Variants in DPYS observed in about 807,000 individuals in gnomAD.
DPYS encodes dihydropyrimidine amidohydrolase.
In DPYS, 39 loss-of-function variants were observed where a neutral mutation model predicts 50.3. The ratio of observed to expected loss-of-function variants is 0.78; its 90% CI spans 0.60 to 1.01. The LOEUF is 1.01. DPYS is among the 50% of genes least tolerant of loss of function. The pLI is 0.00. For synonymous variants in DPYS, 245 were observed against 250.7 expected (o/e 0.98, Z 0.22); for missense variants, 659 against 680.9 (o/e 0.97, Z 0.36).
intron 7 of DPYS, among the ~76,000 whole-genome samples, chr8:104,408,076 C>G (rs7008591): frequency 6.6e-6 from 1 of 152,236 alleles, no homozygotes; most frequent in Non-Finnish European, 1.5e-5. Context: ...AGGCACGGTT[C>G]TAGGTGCTGG....
At chr8:104,459,109 A>G (rs74625391) in intron 1 of DPYS, among the ~76,000 whole-genome samples, 2,298 of 152,266 alleles carry the variant, frequency 0.015, 26 homozygotes, top group Non-Finnish European at 0.025. Flanking sequence ...TCCTTTCTCA[A>G]CTTGTTACTT....
intron 2 of DPYS, among the ~76,000 whole-genome samples, chr8:104,449,311 A>C (rs936226876): frequency 2.6e-5 from 4 of 152,218 alleles, no homozygotes; most frequent in Admixed American, 6.5e-5. Context: ...CTTACATGAA[A>C]TATCTTTTGC....
intron 7 of DPYS, among the ~76,000 whole-genome samples, chr8:104,394,964 C>A (rs1376257278): frequency 6.6e-6 from 1 of 151,130 alleles, no homozygotes; most frequent in African/African-American, 2.4e-5. Flanking sequence ...GGACATATGA[C>A]CACTTTGATG....
chr8:104,423,969 G>C (rs953641044), intron 7 of DPYS: 65 of 984,700 alleles, frequency 6.6e-5, no homozygotes, highest in Admixed American at 1.2e-4. Context: ...TGTGAACTCG[G>C]GCATTTGCCA....
At chr8:104,457,070 C>A (rs1251168788) in intron 1 of DPYS, among the ~76,000 whole-genome samples, 3 of 152,108 alleles carry the variant, frequency 2.0e-5, no homozygotes, top group African/African-American at 7.2e-5. Flanking sequence ...ATGTACATAC[C>A]TGTGATAAAG....
chr8:104,466,661 G>T lies in DPYS; in HGVS notation c.260C>A (p.Thr87Asn). The T allele has an allele frequency of 1.3e-6, 2 of 1,518,162 alleles. No individual in the cohort carries two copies. The allele number at this position is 1,518,162 out of a possible 1,614,324, so 94.0% of individuals were successfully genotyped here. ...GGGGCGCGGCGGGGCGGGTACCTTG[G>T]TGCCCTGGTGGAAGTCGTCGATGGA... ...SRSIDDFHQG[T>N]KAALSGGTTM... The change falls in exon 1 of 10, where the codon ACC (threonine) becomes AAC (asparagine). Residue 87 changes from threonine (T) to asparagine (N), a missense_variant. Transcript: ENST00000351513.
intron 1 of DPYS, among the ~76,000 whole-genome samples, chr8:104,455,964 A>C (rs1033235969): frequency 6.6e-6 from 1 of 152,216 alleles, no homozygotes; most frequent in Admixed American, 6.5e-5. Flanking sequence ...ACAGCCATGT[A>C]CCATAATGGT....
intron 7 of DPYS, among the ~76,000 whole-genome samples, chr8:104,410,001 A>T (rs559251518): frequency 6.6e-6 from 1 of 152,208 alleles, no homozygotes; most frequent in East Asian, 1.9e-4. Flanking sequence ...GGTGTTCCTT[A>T]TCTGTCTAAT....
intron 4 of DPYS, among the ~76,000 whole-genome samples, chr8:104,438,337 T>G (rs1188864976): frequency 6.6e-6 from 1 of 152,220 alleles, no homozygotes; most frequent in African/African-American, 2.4e-5. Flanking sequence ...AGGCATATAT[T>G]TCTTTTCTCA....
At position 104,428,171 on chromosome 8, in the gene DPYS, T is replaced by C. The variant is rs749065609; in HGVS notation, c.951-50A>G. 5.0e-6 allele frequency: 8 copies of C among 1,611,946 alleles called. No individual in the cohort carries two copies. In the East Asian group the frequency reaches 1.8e-4, roughly 36 times the overall value. The stretch of plus-strand genomic sequence containing the variant: ...GATGGGGTGAGTATACAGAATATGT[T>C]AGGAGGAAACTGCCATAACCTTTCC... On this transcript the variant is annotated intron_variant, in intron 5 of 9. Transcript: ENST00000351513.
chr8:104,432,606 G>A (rs756067750), intron 4 of DPYS, among the ~76,000 whole-genome samples: 25 of 152,302 alleles, frequency 1.6e-4, no homozygotes, highest in Middle Eastern at 3.4e-3. Context: ...CATTTACAAA[G>A]GAAGAAAAGA....
In DPYS at chr8:104,451,423, T is replaced by A. The variant is rs1813737254; in HGVS notation, c.265-19A>T. 6.2e-7 allele frequency: 1 copy of A among 1,613,900 alleles called. No individual in the cohort carries two copies. Among genetic ancestry groups the A allele is most frequent in the East Asian group, 2.2e-5 (1 of 44,874 alleles). On this transcript the variant is annotated intron_variant, in intron 1 of 9. Transcript: ENST00000351513. ...GAGCAGCCTGGAATCATAAGAGGTT[T>A]TCAACAAATTAGCTATCAATTTCCT...
intron 8 of DPYS, among the ~76,000 whole-genome samples, chr8:104,386,177 CT>C (rs752415946): frequency 5.3e-5 from 8 of 152,162 alleles, no homozygotes; most frequent in Non-Finnish European, 1.2e-4. Flanking sequence ...ACTTTCATAA[CT>C]GCAGAAATGC....
At chr8:104,438,946 A>C (rs1813247449) in intron 4 of DPYS, among the ~76,000 whole-genome samples, 1 of 152,064 alleles carries the variant, frequency 6.6e-6, no homozygotes, top group Non-Finnish European at 1.5e-5. Context: ...GTGCATGCCT[A>C]TAGTCCCAGC....
intron 8 of DPYS, among the ~76,000 whole-genome samples, chr8:104,381,867 C>CACACACACACACACAT: frequency 8.6e-6 from 1 of 115,810 alleles, no homozygotes; most frequent in Non-Finnish European, 1.8e-5. Context: ...CACACACACA[C>CACACACACACACACAT]ACACACACAC....
At chr8:104,442,915 A>G (rs1813404331) in intron 4 of DPYS, among the ~76,000 whole-genome samples, 1 of 152,196 alleles carries the variant, frequency 6.6e-6, no homozygotes, top group Admixed American at 6.5e-5. Context: ...TTTAAAAATT[A>G]GCTGGGCATG....
chr8:104,440,908 T>C (rs1813331914), intron 4 of DPYS, among the ~76,000 whole-genome samples: 2 of 152,310 alleles, frequency 1.3e-5, no homozygotes, highest in South Asian at 4.1e-4. Flanking sequence ...TGATGTTAGA[T>C]AATAAATGAG....
chr8:104,414,708 G>T (rs1812308475), intron 7 of DPYS, among the ~76,000 whole-genome samples: 1 of 152,236 alleles, frequency 6.6e-6, no homozygotes, highest in East Asian at 1.9e-4. Context: ...TAAGGACCCT[G>T]GGATTCTTTT....
intron 3 of DPYS, among the ~76,000 whole-genome samples, chr8:104,446,257 A>T (rs184117475): frequency 6.6e-6 from 1 of 152,280 alleles, no homozygotes; most frequent in African/African-American, 2.4e-5. Flanking sequence ...CCACAAAAAT[A>T]AAAAAATTTA....
Sources: gnomAD v4.1 joint callset for allele counts (sites outside exome capture counted in the v4.1 genomes callset) on GRCh38, gnomAD v4.1.1 for gene constraint, MANE v1.5 for transcripts, NCBI Gene and HGNC (gene_info 2026-07-23, HGNC 2026-07-21) for gene names.